LNX1: variants seen among roughly 807,000 people sequenced by gnomAD.
LNX1 encodes the protein ligand of numb-protein X 1.
In LNX1, 54 loss-of-function variants were observed where a neutral mutation model predicts 68.4. The ratio of observed to expected loss-of-function variants is 0.79; its 90% CI spans 0.63 to 0.99. The LOEUF (loss-of-function observed/expected upper bound fraction) is 0.99. Among genes scored for constraint, LNX1 ranks in the 50% least tolerant of loss-of-function variants. LNX1 has a pLI of 0.00. For missense variants in LNX1, 906 were observed against 926.4 expected (o/e 0.98, Z 0.29); for synonymous variants, 336 against 350.0 (o/e 0.96, Z 0.45).
chr4:53,493,451 G>A (rs1340731116), intron 6 of LNX1, among the ~76,000 whole-genome samples: 2 of 152,210 alleles, frequency 1.3e-5, no homozygotes, highest in Non-Finnish European at 2.9e-5. Flanking sequence ...GGCAGAGGGA[G>A]AAGGCTAAGT....
At chr4:53,614,947 A>G (rs919889269) in intron 2 of LNX1, among the ~76,000 whole-genome samples, 4 of 150,584 alleles carry the variant, frequency 2.7e-5, no homozygotes, top group African/African-American at 9.8e-5. Context: ...TCTTATCCCA[A>G]GTTGACTTTT....
rs776036171 is a variant in LNX1, at chr4:53,478,623, G to C, written c.1605C>G (p.Ile535Met). Residue 535 changes from isoleucine to methionine, a missense_variant, in exon 8 of 11, where the codon ATC (isoleucine) becomes ATG (methionine). Ile to Met is a conservative substitution (Grantham distance 10). Transcript: ENST00000263925. ...CTCCGGGCTCAACACTGATGACATA[G>C]ATAGGCAAATCCCATTCTCTATGTG... is the stretch of plus-strand genomic sequence containing the variant. ...GASHREWDLPIYVISVEPGGV... is the reference protein window; with the variant it reads ...GASHREWDLPMYVISVEPGGV... 2.5e-6 allele frequency: 4 copies of C among 1,613,876 alleles called. No homozygotes were observed. The highest frequency in any genetic ancestry group is 1.7e-5 in the Admixed American group (1 of 59,994).
chr4:53,461,673 T>A, intron 9 of LNX1, 80 bp from the exon 10 acceptor site: 1 of 1,140,458 alleles, frequency 8.8e-7, no homozygotes, highest in Non-Finnish European at 1.2e-6. Flanking sequence ...CATCCTCCAT[T>A]CCTTTTGTTG....
chr4:53,482,325 C>T (rs1723968303), intron 6 of LNX1, among the ~76,000 whole-genome samples: 1 of 152,162 alleles, frequency 6.6e-6, no homozygotes, highest in Non-Finnish European at 1.5e-5. Flanking sequence ...GAGCCTGACA[C>T]TTGCAAATAT....
At chr4:53,544,334 C>T (rs540963982) in intron 2 of LNX1, among the ~76,000 whole-genome samples, 1 of 152,266 alleles carries the variant, frequency 6.6e-6, no homozygotes, top group East Asian at 1.9e-4. Flanking sequence ...GCTGGGACTA[C>T]AGGCGCATGC....
At chr4:53,481,880 C>T in intron 6 of LNX1, 26 bp from the exon 7 acceptor site, 1 of 1,544,618 alleles carries the variant, frequency 6.5e-7, no homozygotes, top group Non-Finnish European at 8.8e-7. Context: ...CAGGCATTAG[C>T]CACTGTCAGT....
chr4:53,469,175 G>T (rs1231972861), intron 9 of LNX1, among the ~76,000 whole-genome samples: 3 of 152,028 alleles, frequency 2.0e-5, no homozygotes, highest in Admixed American at 1.3e-4. Flanking sequence ...TAGAACTCAG[G>T]ATTAAGAAAC....
intron 9 of LNX1, among the ~76,000 whole-genome samples, chr4:53,464,279 T>TTTGA (rs1276315333): frequency 6.6e-6 from 1 of 152,124 alleles, no homozygotes; most frequent in African/African-American, 2.4e-5. Flanking sequence ...AGCCTCCTAC[T>TTTGA]TTGATTAACC....
chr4:53,471,721 C>A lies in LNX1; in HGVS notation c.1892+5032G>T, dbSNP rs377045906. Among the ~76,000 whole-genome samples the A allele has an allele frequency of 7.5e-4, 114 of 152,234 alleles. 2 individuals carry two copies. Among genetic ancestry groups the A allele is most frequent in the Middle Eastern group, 3.4e-3 (1 of 294 alleles). ...CAAAAGAAGACATTTATGCAGCCAA[C>A]AGACACATGAAAAAATGCTCATCAT... On this transcript the variant is annotated intron_variant, in intron 9 of 10. Transcript: ENST00000263925.
intron 2 of LNX1, among the ~76,000 whole-genome samples, chr4:53,567,694 G>A (rs897502393): frequency 1.3e-5 from 2 of 152,020 alleles, no homozygotes; most frequent in Non-Finnish European, 2.9e-5. Context: ...TCAAAAAATT[G>A]ATGAATCCAG....
At chr4:53,568,426 G>T (rs1167158147) in intron 2 of LNX1, among the ~76,000 whole-genome samples, 2 of 152,152 alleles carry the variant, frequency 1.3e-5, no homozygotes, top group African/African-American at 4.8e-5. Context: ...TGCAGAAAAG[G>T]CCTTTGATAA....
At chr4:53,614,328 C>G (rs1733605305) in intron 2 of LNX1, among the ~76,000 whole-genome samples, 1 of 152,268 alleles carries the variant, frequency 6.6e-6, no homozygotes, top group Middle Eastern at 3.4e-3. Flanking sequence ...TCTAAGACTT[C>G]CCCTCCCATG....
intron 6 of LNX1, among the ~76,000 whole-genome samples, chr4:53,490,833 T>C (rs1255577187): frequency 1.3e-5 from 2 of 152,188 alleles, no homozygotes; most frequent in Non-Finnish European, 2.9e-5. Context: ...TAAAATCCAC[T>C]CTTCAGAAAC....
intron 2 of LNX1, among the ~76,000 whole-genome samples, chr4:53,523,915 T>C (rs1308300126): frequency 6.6e-6 from 1 of 152,214 alleles, no homozygotes; most frequent in African/African-American, 2.4e-5. Flanking sequence ...ATGGAATAAG[T>C]TGATTAGGAT....
rs1380261904 is a variant in LNX1, at chr4:53,573,889, G to T, written c.114C>A (p.Asp38Glu). 5 of 1,613,698 alleles carry T rather than the reference G, an allele frequency of 3.1e-6. No individual in the cohort carries two copies. Among genetic ancestry groups the T allele is most frequent in the Admixed American group, 3.3e-5 (2 of 60,000 alleles). ...FYSYPEEVDD[D>E]LICHICLQAL... is the part of the protein sequence containing the mutation. Reference sequence around the variant, plus strand: ...CCTGCAGGCAGATGTGGCAGATGAGGTCATCATCCACTTCCTCTGGATAGC... The same window carrying T: ...CCTGCAGGCAGATGTGGCAGATGAGTTCATCATCCACTTCCTCTGGATAGC... The change falls in exon 2 of 11, where the codon GAC becomes GAA. Residue 38 changes from aspartate (D) to glutamate (E), a missense_variant. Transcript: ENST00000263925.
chr4:53,591,227 T>C (rs1732486594), intron 1 of LNX1, among the ~76,000 whole-genome samples, 161 bp downstream of exon 1: 1 of 152,188 alleles, frequency 6.6e-6, no homozygotes. Context: ...AATGTCAAAG[T>C]CATCTCTCTA....
intron 9 of LNX1, among the ~76,000 whole-genome samples, chr4:53,461,977 T>C (rs1307163981): frequency 2.0e-5 from 3 of 152,092 alleles, no homozygotes; most frequent in East Asian, 1.9e-4. Context: ...TTACTTGATA[T>C]AATTTTAATG....
intron 1 of LNX1, among the ~76,000 whole-genome samples, chr4:53,633,685 A>G (rs1389552577): frequency 6.6e-6 from 1 of 152,224 alleles, no homozygotes; most frequent in African/African-American, 2.4e-5. Flanking sequence ...AATAAAGGCC[A>G]TTAAAAATGG....
chr4:53,499,834 T>C (rs1725349666), intron 4 of LNX1, among the ~76,000 whole-genome samples: 1 of 152,216 alleles, frequency 6.6e-6, no homozygotes, highest in African/African-American at 2.4e-5. Context: ...CTTGAGCAGT[T>C]CATCCCTGGT....
Sources: allele counts gnomAD v4.1 joint callset (sites outside exome capture counted in the v4.1 genomes callset), GRCh38; gene constraint gnomAD v4.1.1; transcripts MANE v1.5; gene names NCBI Gene and HGNC (gene_info 2026-07-23, HGNC 2026-07-21).